Variants in EDNRB observed in about 807,000 individuals in gnomAD.
EDNRB encodes the protein Hirschsprung disease 2.
Under a neutral mutation model 46.4 loss-of-function variants are expected in EDNRB, and 18 were observed. The observed-to-expected ratio is 0.39, with a 90% CI of 0.27 to 0.57. The LOEUF is 0.57. Among genes scored for constraint, EDNRB ranks in the 20% least tolerant of loss-of-function variants. EDNRB has a pLI of 0.61. For synonymous variants in EDNRB, 213 were observed against 204.9 expected, an observed-to-expected ratio of 1.04 and a Z score of -0.34; for missense variants, 434 against 537.5, an observed-to-expected ratio of 0.81 and a Z score of 1.90.
At chr13:77,911,387 T>C (rs1879563345) in intron 1 of EDNRB, among the ~76,000 whole-genome samples, 1 of 152,102 alleles carries the variant, frequency 6.6e-6, no homozygotes, top group Non-Finnish European at 1.5e-5. Flanking sequence ...CTGATTACTA[T>C]GGAATCTGAA....
chr13:77,944,582 T>C (rs917442435), intron 1 of EDNRB, among the ~76,000 whole-genome samples: 2 of 152,040 alleles, frequency 1.3e-5, no homozygotes, highest in Non-Finnish European at 2.9e-5. Context: ...AGTCAGAATA[T>C]AGTAAATGCA....
chr13:77,918,898 G>A, upstream of EDNRB: 1 of 1,239,594 alleles, frequency 8.1e-7, no homozygotes, highest in Non-Finnish European at 1.0e-6. The surrounding 1 kb of genome is among the most constrained non-coding windows in gnomAD (Gnocchi z 4.5). Flanking sequence ...GGGTGTGCCA[G>A]GGAGGGAATG....
chr13:77,917,689 T>C (rs1054835110), intron 1 of EDNRB, among the ~76,000 whole-genome samples: 1 of 152,192 alleles, frequency 6.6e-6, no homozygotes, highest in Non-Finnish European at 1.5e-5. Context: ...GTTCTCAAAC[T>C]TTACAGTTCA....
intron 1 of EDNRB, among the ~76,000 whole-genome samples, chr13:77,915,957 T>C (rs150694199): frequency 6.6e-6 from 1 of 152,054 alleles, no homozygotes; most frequent in East Asian, 1.9e-4. Flanking sequence ...TCTTGGGGAG[T>C]CAGAAATTCT....
chr13:77,962,606 T>G, intron 1 of EDNRB, among the ~76,000 whole-genome samples: 1 of 152,174 alleles, frequency 6.6e-6, no homozygotes, highest in East Asian at 1.9e-4. Flanking sequence ...AATTAGGTAT[T>G]GATGGGACAT....
chr13:77,949,949 A>AC (rs1881040757), intron 1 of EDNRB, among the ~76,000 whole-genome samples: 1 of 152,034 alleles, frequency 6.6e-6, no homozygotes, highest in Non-Finnish European at 1.5e-5. Flanking sequence ...CCAAGTCCTC[A>AC]CTGTCCCTTT....
upstream of EDNRB, among the ~76,000 whole-genome samples, chr13:77,922,747 T>A (rs74098859): frequency 6.6e-6 from 1 of 152,214 alleles, no homozygotes; most frequent in Admixed American, 6.5e-5. Context: ...TTAAGTATAA[T>A]GTATGTACAG....
chr13:77,932,704 C>T (rs1424011069), intron 1 of EDNRB, among the ~76,000 whole-genome samples: 1 of 152,186 alleles, frequency 6.6e-6, no homozygotes, highest in African/African-American at 2.4e-5. Flanking sequence ...CCTTGACATA[C>T]TTTTTGAAAA....
intron 1 of EDNRB, among the ~76,000 whole-genome samples, chr13:77,964,937 A>G (rs1183410175): frequency 1.3e-5 from 2 of 152,220 alleles, no homozygotes; most frequent in Non-Finnish European, 2.9e-5. Context: ...ATAAGCATTG[A>G]GAGGAAAAGG....
chr13:77,897,437 C>T lies in EDNRB; in HGVS notation c.*763G>A. 1 of 985,064 alleles carries T rather than the reference C, an allele frequency of 1.0e-6. No homozygotes were observed. Among genetic ancestry groups the T allele is most frequent in the Non-Finnish European group, 1.2e-6 (1 of 829,700 alleles). The allele number at this position is 985,064 out of a possible 1,614,324, so 61.0% of individuals were successfully genotyped here. On this transcript the variant is annotated 3_prime_UTR_variant, in exon 7 of 7. Coordinates refer to ENST00000646607, the MANE Select transcript of EDNRB (RefSeq NM_001122659.3). ...TCTATTTCTCTTTGTGAGGTTTGAT[C>T]TTAACTGAATGTAAAGGATGTAATA...
At chr13:77,969,063 G>C (rs968204491) in intron 1 of EDNRB, among the ~76,000 whole-genome samples, 15 of 152,106 alleles carry the variant, frequency 9.9e-5, no homozygotes, top group African/African-American at 3.6e-4. Context: ...ACTGAAAAAT[G>C]GCTTCTTAAA....
At chr13:77,962,289 C>G (rs145570650) in intron 1 of EDNRB, among the ~76,000 whole-genome samples, 2,204 of 152,238 alleles carry the variant, frequency 0.014, 45 homozygotes, top group East Asian at 0.024. Context: ...ATAAGGCCAG[C>G]ATCATCCTGA....
At chr13:77,958,349 TTTATTTA>T (rs1484278912) in intron 1 of EDNRB, among the ~76,000 whole-genome samples, 2 of 11,230 alleles carry the variant, frequency 1.8e-4, no homozygotes, top group East Asian at 9.2e-3. Flanking sequence ...GGTTATTTTA[TTTATTTA>T]TTTATTTATT....
intron 1 of EDNRB, among the ~76,000 whole-genome samples, chr13:77,945,868 C>CA (rs1480393524): frequency 5.8e-5 from 3 of 51,596 alleles, no homozygotes; most frequent in East Asian, 4.1e-4. Flanking sequence ...CTAAGCCATG[C>CA]AAAAAACCAA....
upstream of EDNRB, among the ~76,000 whole-genome samples, chr13:77,924,179 C>A (rs912086322): frequency 2.0e-5 from 3 of 152,234 alleles, no homozygotes; most frequent in Non-Finnish European, 4.4e-5. Context: ...CTGGGGCTTG[C>A]AAAGCCATGC....
chr13:77,958,020 T>C (rs975148010), intron 1 of EDNRB, among the ~76,000 whole-genome samples: 1 of 152,226 alleles, frequency 6.6e-6, no homozygotes, highest in African/African-American at 2.4e-5. Flanking sequence ...CTAAACACCA[T>C]GTGGAAGTTA....
intron 1 of EDNRB, among the ~76,000 whole-genome samples, chr13:77,905,268 C>T (rs1055961424): frequency 1.3e-5 from 2 of 151,866 alleles, no homozygotes; most frequent in Middle Eastern, 3.4e-3. Flanking sequence ...TGCTAAGGGG[C>T]TCCAAATACA....
chr13:77,943,501 C>T (rs1415217694), intron 1 of EDNRB, among the ~76,000 whole-genome samples: 3 of 152,040 alleles, frequency 2.0e-5, no homozygotes, highest in Non-Finnish European at 4.4e-5. Flanking sequence ...TTAAGCATCC[C>T]GTAAGTACTA....
chr13:77,931,079 C>A (rs1227910800), intron 1 of EDNRB, among the ~76,000 whole-genome samples: 2 of 152,114 alleles, frequency 1.3e-5, no homozygotes, highest in Non-Finnish European at 1.5e-5. Flanking sequence ...AGTTGCTGCC[C>A]AATGTCATGA....
Sources: gnomAD v4.1 joint callset for allele counts (sites outside exome capture counted in the v4.1 genomes callset) on GRCh38, gnomAD v4.1.1 for gene constraint, Gnocchi (gnomAD v3.1) non-coding constraint, MANE v1.5 for transcripts, NCBI Gene and HGNC (gene_info 2026-07-23, HGNC 2026-07-21) for gene names.